APCDD1: variants seen among roughly 807,000 people sequenced by gnomAD.
APCDD1 encodes APC down-regulated 1, also known as protein APCDD1.
In APCDD1, 15 loss-of-function variants were observed where a neutral mutation model predicts 38.1. The observed-to-expected ratio is 0.39, with a 90% confidence interval of 0.26 to 0.61. The LOEUF (loss-of-function observed/expected upper bound fraction) is 0.61, where lower values mean the gene tolerates loss of function less well. Among genes scored for constraint, APCDD1 ranks in the 20% least tolerant of loss-of-function variants. APCDD1 has a pLI of 0.49. For synonymous variants in APCDD1, 261 were observed against 279.7 expected (o/e 0.93, Z 0.67); for missense variants, 647 against 696.2 (o/e 0.93, Z 0.79).
At position 10,470,607 on chromosome 18, in the gene APCDD1, T is replaced by C. The variant is rs2030827402; in HGVS notation, c.243-923T>C. Among the ~76,000 whole-genome samples the C allele has an allele frequency of 6.6e-6, 1 of 152,058 alleles. No individual in the cohort carries two copies. The highest frequency in any genetic ancestry group is 1.5e-5 in the Non-Finnish European group (1 of 68,016). On this transcript the variant is annotated intron_variant, in intron 2 of 4. Coordinates refer to ENST00000355285, the MANE Select transcript of APCDD1 (RefSeq NM_153000.5). The surrounding 1 kb of genome is among the most constrained non-coding windows in gnomAD (Gnocchi z 4.1). ...GTTAGCATCATAGATGAGAGCAGAG[T>C]GGGAAGGCCAGAATTGATGAGCTGA...
At chr18:10,484,942 T>C (rs2031216339) in intron 3 of APCDD1, among the ~76,000 whole-genome samples, 1 of 152,160 alleles carries the variant, frequency 6.6e-6, no homozygotes. Context: ...TACCCAGAAG[T>C]GAGATTGCTG....
chr18:10,465,235 A>G (rs563652072), intron 1 of APCDD1, among the ~76,000 whole-genome samples: 7 of 152,286 alleles, frequency 4.6e-5, no homozygotes, highest in South Asian at 2.1e-4. Context: ...GGCAGCAGCC[A>G]TGAGGGGTGA....
In APCDD1 at chr18:10,470,387, G is replaced by A. The variant is rs2030822604; in HGVS notation, c.243-1143G>A. On this transcript the variant is annotated intron_variant, in intron 2 of 4. Coordinates refer to ENST00000355285, the MANE Select transcript of APCDD1 (RefSeq NM_153000.5). The surrounding 1 kb of genome is among the most constrained non-coding windows in gnomAD (Gnocchi z 4.1). ...CCCCAGGTACTGTTGAGTGCTTTAT[G>A]TCCATAGGATGTTACTCGACATCAG... 6.6e-6 allele frequency among the ~76,000 whole-genome samples: 1 copy of A among 152,144 alleles called. No individual in the cohort carries two copies. Among genetic ancestry groups the A allele is most frequent in the South Asian group, 2.1e-4 (1 of 4,826 alleles).
In APCDD1 at chr18:10,485,646, A is replaced by C. The variant is rs201140329; in HGVS notation, c.959A>C (p.Asn320Thr). 1 of 1,614,014 alleles carries C rather than the reference A, an allele frequency of 6.2e-7. No individual in the cohort carries two copies. Among genetic ancestry groups the C allele is most frequent in the Non-Finnish European group, 8.5e-7 (1 of 1,179,984 alleles). ...TRHFIFHDNNNTWEGHYYHYS... is the reference protein window; with the variant it reads ...TRHFIFHDNNTTWEGHYYHYS... Reference sequence around the variant, plus strand: ...CACTTCATCTTCCATGACAACAACAACACCTGGGAGGGCCACTACTACCAC... The same window carrying C: ...CACTTCATCTTCCATGACAACAACACCACCTGGGAGGGCCACTACTACCAC... The change falls in exon 4 of 5, where the codon AAC (asparagine) becomes ACC (threonine). Residue 320 changes from asparagine to threonine, a missense_variant. Asn to Thr is a moderately conservative substitution (Grantham distance 65). Coordinates refer to ENST00000355285, the MANE Select transcript of APCDD1 (RefSeq NM_153000.5). This position sits in a 1 kb window ranked among gnomAD's most constrained non-coding sequence, Gnocchi z 5.8.
At position 10,472,345 on chromosome 18, in the gene APCDD1, A is replaced by G. The variant is rs2030883381; in HGVS notation, c.774+284A>G. On this transcript the variant is annotated intron_variant, in intron 3 of 4. Transcript: ENST00000355285. The surrounding 1 kb of genome is among the most constrained non-coding windows in gnomAD (Gnocchi z 6.6). ...TGGCATGGGATGATGGTTCTAGAAA[A>G]TTCCTAAGGCTCCTTTCAGCTCTCC... 6.6e-6 allele frequency among the ~76,000 whole-genome samples: 1 copy of G among 152,250 alleles called. No individual in the cohort carries two copies. Among genetic ancestry groups the G allele is most frequent in the Non-Finnish European group, 1.5e-5 (1 of 68,024 alleles).
chr18:10,480,087 G>T (rs1262005116), intron 3 of APCDD1, among the ~76,000 whole-genome samples: 1 of 152,176 alleles, frequency 6.6e-6, no homozygotes, highest in Non-Finnish European at 1.5e-5. Context: ...GGGTACAGAA[G>T]CTCTGGCTTT....
At position 10,470,093 on chromosome 18, in the gene APCDD1, A is replaced by G. The variant is rs1179816627; in HGVS notation, c.243-1437A>G. Among the ~76,000 whole-genome samples, 4 of 152,236 alleles carry G rather than the reference A, an allele frequency of 2.6e-5. No individual in the cohort carries two copies. The highest frequency in any genetic ancestry group is 1.3e-4 in the Admixed American group (2 of 15,284). ...AAAAGTGATTTGGGGGTGACCAGTT[A>G]AAAGACCTTTGCAGCCGTTCTGGTT... On this transcript the variant is annotated intron_variant, in intron 2 of 4. Coordinates refer to ENST00000355285, the MANE Select transcript of APCDD1 (RefSeq NM_153000.5). The surrounding 1 kb of genome is among the most constrained non-coding windows in gnomAD (Gnocchi z 4.1).
In APCDD1 at chr18:10,472,218, G is replaced by A. The variant is rs1022639632; in HGVS notation, c.774+157G>A. 1.3e-5 allele frequency among the ~76,000 whole-genome samples: 2 copies of A among 152,186 alleles called. No homozygotes were observed. Among genetic ancestry groups the A allele is most frequent in the Non-Finnish European group, 2.9e-5 (2 of 68,026 alleles). On this transcript the variant is annotated intron_variant, in intron 3 of 4. Transcript: ENST00000355285. This position sits in a 1 kb window ranked among gnomAD's most constrained non-coding sequence, Gnocchi z 6.6. ...GCTGCTGCGAGGTGGGAGGAGATGG[G>A]AAAGGCTGGGGCTGAGGGTGCTTTA...
Position 10,485,788 on chromosome 18 carries a change from G to A in APCDD1, c.1096+5G>A, listed in dbSNP as rs546446978. 7.4e-6 allele frequency: 12 copies of A among 1,611,652 alleles called. No individual in the cohort carries two copies. Among genetic ancestry groups the A allele is most frequent in the South Asian group, 5.5e-5 (5 of 91,040 alleles). ...GCACCGAGTTCGTGTTCAAAGGTAG[G>A]ATTCCCATCTCAAGTCCCAGTATCA... is the stretch of plus-strand genomic sequence containing the variant. On this transcript the variant is annotated splice_donor_5th_base_variant and intron_variant, in intron 4 of 4. Transcript: ENST00000355285. The surrounding 1 kb of genome is among the most constrained non-coding windows in gnomAD (Gnocchi z 5.8).
intron 1 of APCDD1, among the ~76,000 whole-genome samples, chr18:10,458,292 G>A (rs1307228923): frequency 6.6e-6 from 1 of 152,178 alleles, no homozygotes; most frequent in Non-Finnish European, 1.5e-5. Context: ...GGCTCTTTCA[G>A]CTCTCTCCTT....
intron 3 of APCDD1, among the ~76,000 whole-genome samples, chr18:10,481,214 A>G (rs1016850924): frequency 7.9e-5 from 12 of 152,228 alleles, no homozygotes; most frequent in Admixed American, 6.5e-4. Flanking sequence ...TACATACCCA[A>G]AAGAATTAAA....
chr18:10,485,493 T>C lies in APCDD1; in HGVS notation c.806T>C (p.Ile269Thr), dbSNP rs1249043935. 9 of 1,614,098 alleles carry C rather than the reference T, an allele frequency of 5.6e-6. No homozygotes were observed. Among genetic ancestry groups the C allele is most frequent in the Non-Finnish European group, 6.8e-6 (8 of 1,180,022 alleles). ...NHDHACIACRIIYRSDEHHPP... is the reference protein window; with the variant it reads ...NHDHACIACRTIYRSDEHHPP... The stretch of plus-strand genomic sequence containing the variant: ...GACCATGCCTGCATCGCCTGTCGGA[T>C]CATCTATCGGTCAGACGAGCACCAC... Residue 269 changes from isoleucine (I) to threonine (T), a missense_variant, in exon 4 of 5, where the codon ATC becomes ACC. By Grantham distance (89) the Ile-to-Thr change is moderately conservative. Transcript: ENST00000355285. The surrounding 1 kb of genome is among the most constrained non-coding windows in gnomAD (Gnocchi z 5.8).
At chr18:10,481,409 C>T (rs1396646322) in intron 3 of APCDD1, among the ~76,000 whole-genome samples, 2 of 152,078 alleles carry the variant, frequency 1.3e-5, no homozygotes, top group Non-Finnish European at 2.9e-5. Flanking sequence ...ACTTGAGGAG[C>T]TTATAGTAAG....
chr18:10,455,126 C>T (rs973437158), intron 1 of APCDD1, 87 bp downstream of exon 1: 1 of 1,533,186 alleles, frequency 6.5e-7, no homozygotes, highest in South Asian at 1.2e-5. Flanking sequence ...GGGTCTGGAT[C>T]GCGGCACGGC....
chr18:10,462,603 T>C (rs1329993407), intron 1 of APCDD1, among the ~76,000 whole-genome samples: 1 of 53,282 alleles, frequency 1.9e-5, no homozygotes, highest in Admixed American at 1.4e-4. Context: ...CCTTCCTTCC[T>C]TCCTTCCTTC....
intron 1 of APCDD1, among the ~76,000 whole-genome samples, chr18:10,464,036 C>CGGGTT (rs2030638602): frequency 1.3e-5 from 2 of 152,120 alleles, no homozygotes; most frequent in Non-Finnish European, 2.9e-5. Context: ...TCTTTAGAAA[C>CGGGTT]CCTGGGCTAT....
chr18:10,466,815 G>A (rs969923375), intron 1 of APCDD1, among the ~76,000 whole-genome samples: 2 of 152,162 alleles, frequency 1.3e-5, no homozygotes, highest in African/African-American at 4.8e-5. Flanking sequence ...CAAGAATCAG[G>A]GGACTTGGCT....
chr18:10,484,930 C>T (rs570995065), intron 3 of APCDD1, among the ~76,000 whole-genome samples: 1 of 152,332 alleles, frequency 6.6e-6, no homozygotes, highest in African/African-American at 2.4e-5. Flanking sequence ...CTTTTGGGTA[C>T]ATACCCAGAA....
In APCDD1 at chr18:10,454,873, G is replaced by A. The variant is rs529111767; in HGVS notation, c.-109G>A. On this transcript the variant is annotated 5_prime_UTR_variant, in exon 1 of 5. Coordinates refer to ENST00000355285, the MANE Select transcript of APCDD1 (RefSeq NM_153000.5). Reference sequence around the variant, plus strand: ...GCGCGCGGCAGCCGCCTGAAGCCCCGGCCTGGCCCGGCCGCACCCGGCCGG... The same window carrying A: ...GCGCGCGGCAGCCGCCTGAAGCCCCAGCCTGGCCCGGCCGCACCCGGCCGG... 1 of 1,220,846 alleles carries A rather than the reference G, an allele frequency of 8.2e-7. No individual in the cohort carries two copies. The highest frequency in any genetic ancestry group is 1.0e-6 in the Non-Finnish European group (1 of 972,444). The allele number at this position is 1,220,846 out of a possible 1,614,324, so 75.6% of individuals were successfully genotyped here.
Sources: allele counts gnomAD v4.1 joint callset (sites outside exome capture counted in the v4.1 genomes callset), GRCh38; gene constraint gnomAD v4.1.1; non-coding constraint Gnocchi (gnomAD v3.1); transcripts MANE v1.5; gene names NCBI Gene and HGNC (gene_info 2026-07-23, HGNC 2026-07-21).